The following PRMT9 variants were observed in gnomAD, a reference collection of about 807,000 sequenced individuals.
PRMT9 encodes protein arginine methyltransferase 9, also known as protein arginine N-methyltransferase 9.
In PRMT9, 59 loss-of-function variants were observed where a neutral mutation model predicts 83.2. That is an observed-to-expected ratio of 0.71 (90% confidence interval 0.57 to 0.88). PRMT9 has a LOEUF of 0.88. Ranked by LOEUF, PRMT9 falls within the 40% of genes least tolerant of loss-of-function variation. PRMT9 has a pLI of 0.00. For missense variants in PRMT9, 947 were observed against 1,021.9 expected (o/e 0.93, Z 1.00); for synonymous variants, 333 against 353.2 (o/e 0.94, Z 0.64).
At position 147,653,908 on chromosome 4, in the gene PRMT9, G is replaced by C. The variant is rs1461307666; in HGVS notation, c.1989C>G (p.Val663=). ...GCTGAATGAGCCCAGATGGCTCAAT[G>C]ACATCCAATATAATTATGCTCCATA... The part of the protein sequence containing the change: ...DKLWSIIILD[V]IEPSGLIQQE... Residue 663 remains valine, a synonymous_variant, in exon 9 of 12, where the codon GTC becomes GTG. Coordinates refer to ENST00000322396, the MANE Select transcript of PRMT9 (RefSeq NM_138364.4). The C allele has an allele frequency of 1.2e-6, 2 of 1,614,026 alleles. No homozygotes were observed. Among genetic ancestry groups the C allele is most frequent in the Admixed American group, 3.3e-5 (2 of 60,010 alleles).
chr4:147,641,778 C>T (rs1253654393), intron 10 of PRMT9, among the ~76,000 whole-genome samples: 1 of 152,200 alleles, frequency 6.6e-6, no homozygotes, highest in Non-Finnish European at 1.5e-5. Flanking sequence ...TCTCCTACCT[C>T]AGCCTCCCAA....
chr4:147,655,917 A>C (rs1734454144), intron 8 of PRMT9, among the ~76,000 whole-genome samples: 2 of 152,226 alleles, frequency 1.3e-5, no homozygotes, highest in Admixed American at 1.3e-4. Context: ...AAGTTACTAC[A>C]GGTATAAGAG....
intron 9 of PRMT9, among the ~76,000 whole-genome samples, chr4:147,647,255 A>T (rs1733790465): frequency 6.6e-6 from 1 of 152,152 alleles, no homozygotes; most frequent in Admixed American, 6.5e-5. Context: ...TCCTATAGAT[A>T]ACATCAGTAT....
chr4:147,646,119 C>T (rs2126577160), intron 9 of PRMT9, among the ~76,000 whole-genome samples: 1 of 152,324 alleles, frequency 6.6e-6, no homozygotes, highest in South Asian at 2.1e-4. Context: ...GCAATCTATG[C>T]CTTTACCAAA....
Position 147,654,411 on chromosome 4 carries a change from C to T in PRMT9, c.1486G>A (p.Glu496Lys), listed in dbSNP as rs995070350. The stretch of plus-strand genomic sequence containing the variant: ...GCGAGGGCACTACAAAGTTCAGCCT[C>T]ATTTCCTAACGATAACAAGTCTTTA... Reference protein sequence around the residue: ...QNKDLLSLGNEAELCSALANL... With the variant: ...QNKDLLSLGNKAELCSALANL... The change falls in exon 9 of 12, where the codon GAG (glutamate) becomes AAG (lysine). Residue 496 changes from glutamate (E) to lysine (K), a missense_variant. Glu to Lys is a moderately conservative substitution (Grantham distance 56). Transcript: ENST00000322396. The T allele has an allele frequency of 2.5e-6, 4 of 1,614,060 alleles. No individual in the cohort carries two copies. Among genetic ancestry groups the T allele is most frequent in the Non-Finnish European group, 3.4e-6 (4 of 1,180,034 alleles).
chr4:147,658,043 C>T, intron 7 of PRMT9, 68 bp from the exon 8 acceptor site: 1 of 1,092,232 alleles, frequency 9.2e-7, no homozygotes, highest in South Asian at 1.3e-5. Context: ...AGTATCTTAC[C>T]ATTTTCCATC....
chr4:147,647,131 T>A (rs963593891), intron 9 of PRMT9, among the ~76,000 whole-genome samples: 2 of 152,096 alleles, frequency 1.3e-5, no homozygotes, highest in African/African-American at 4.8e-5. Context: ...TGCTAAAATG[T>A]AGGCACAGTT....
At chr4:147,676,009 A>C (rs1377320275) in intron 2 of PRMT9, among the ~76,000 whole-genome samples, 1 of 152,214 alleles carries the variant, frequency 6.6e-6, no homozygotes, top group African/African-American at 2.4e-5. Context: ...AGGAGTATAG[A>C]ACAAGAACCA....
In PRMT9 at chr4:147,669,295, G is replaced by A. The variant is rs546074622; in HGVS notation, c.847-650C>T. Among the ~76,000 whole-genome samples, 240 of 152,022 alleles carry A rather than the reference G, an allele frequency of 1.6e-3. 3 individuals carry two copies. Among genetic ancestry groups the A allele is most frequent in the African/African-American group, 5.5e-3 (228 of 41,462 alleles). ...CGAGGCTGAGGTGGGAGGGCCACTT[G>A]AGCCCGGGAGTTTGAGGCTGCAGTA... is the stretch of plus-strand genomic sequence containing the variant. On this transcript the variant is annotated intron_variant, in intron 5 of 11. Coordinates refer to ENST00000322396, the MANE Select transcript of PRMT9 (RefSeq NM_138364.4).
Position 147,670,636 on chromosome 4 carries a change from C to T in PRMT9, c.846+5G>A. The stretch of plus-strand genomic sequence containing the variant: ...ATCAGTTGTAAGTATTTTCATACTG[C>T]TTACCTTTGGCTGTAAAAGTAAATG... On this transcript the variant is annotated splice_donor_5th_base_variant and intron_variant, in intron 5 of 11. Coordinates refer to ENST00000322396, the MANE Select transcript of PRMT9 (RefSeq NM_138364.4). The T allele has an allele frequency of 1.3e-6, 2 of 1,570,640 alleles. No homozygotes were observed. Among genetic ancestry groups the T allele is most frequent in the South Asian group, 1.1e-5 (1 of 90,264 alleles).
intron 10 of PRMT9, among the ~76,000 whole-genome samples, chr4:147,640,510 A>AT (rs1429964283): frequency 6.6e-6 from 1 of 152,132 alleles, no homozygotes; most frequent in Non-Finnish European, 1.5e-5. Context: ...ATGGCCTTAA[A>AT]TACCAGCTAC....
Position 147,642,769 on chromosome 4 carries a change from T to G in PRMT9, c.2199+18A>C, listed in dbSNP as rs1733488476. 2.5e-6 allele frequency: 4 copies of G among 1,608,638 alleles called. No individual in the cohort carries two copies. In the East Asian group the frequency reaches 8.9e-5, roughly 36 times the overall value. ...TGTTCAACAGCATCCTGGTTGAACT[T>G]CTCCTCTAGACACTTACCTGAAACT... On this transcript the variant is annotated intron_variant, in intron 10 of 11. Coordinates refer to ENST00000322396, the MANE Select transcript of PRMT9 (RefSeq NM_138364.4).
chr4:147,672,956 T>C lies in PRMT9; in HGVS notation c.743+3A>G. On this transcript the variant is annotated splice_donor_region_variant and intron_variant, in intron 4 of 11. Coordinates refer to ENST00000322396, the MANE Select transcript of PRMT9 (RefSeq NM_138364.4). Reference sequence around the variant, plus strand: ...ACACTAAAATTAGTTTACATGATAATACCTTTCGGGAATATGTTTTGGAAT... The same window carrying C: ...ACACTAAAATTAGTTTACATGATAACACCTTTCGGGAATATGTTTTGGAAT... The C allele has an allele frequency of 6.2e-7, 1 of 1,611,778 alleles. No homozygotes were observed. Among genetic ancestry groups the C allele is most frequent in the Non-Finnish European group, 8.5e-7 (1 of 1,177,946 alleles).
chr4:147,657,774 A>G lies in PRMT9; in HGVS notation c.1330+18T>C. ...AGATTAAAGCAAGAGGTTAAAAAAA[A>G]AAATGGACAAGACCTACCTGCAAGG... On this transcript the variant is annotated intron_variant, in intron 8 of 11. Transcript: ENST00000322396. The G allele has an allele frequency of 1.2e-6, 2 of 1,609,370 alleles. No homozygotes were observed. The highest frequency in any genetic ancestry group is 1.7e-6 in the Non-Finnish European group (2 of 1,176,656).
intron 4 of PRMT9, among the ~76,000 whole-genome samples, chr4:147,670,952 T>C (rs1383750887): frequency 6.6e-6 from 1 of 152,146 alleles, no homozygotes; most frequent in Non-Finnish European, 1.5e-5. Context: ...CACTGGCTCC[T>C]TCTCCTTGGT....
In PRMT9 at chr4:147,654,127, G is replaced by C. The variant is rs1734314190; in HGVS notation, c.1770C>G (p.Gly590=). Residue 590 remains glycine (G), a synonymous_variant, in exon 9 of 12, where the codon GGC becomes GGG. Coordinates refer to ENST00000322396, the MANE Select transcript of PRMT9 (RefSeq NM_138364.4). ...CAGCAATAACAGGCAGAACAGAGAAGCCTTCGGACACATCTAACACGTAGA... is the reference window on the plus strand; with the variant it reads ...CAGCAATAACAGGCAGAACAGAGAACCCTTCGGACACATCTAACACGTAGA... ...EPFYVLDVSE[G]FSVLPVIAGT... 1 of 1,614,236 alleles carries C rather than the reference G, an allele frequency of 6.2e-7. No individual in the cohort carries two copies. Among genetic ancestry groups the C allele is most frequent in the Non-Finnish European group, 8.5e-7 (1 of 1,180,044 alleles).
At chr4:147,647,804 T>G (rs561598192) in intron 9 of PRMT9, among the ~76,000 whole-genome samples, 1 of 152,132 alleles carries the variant, frequency 6.6e-6, no homozygotes, top group Non-Finnish European at 1.5e-5. Context: ...ATTACAGGCA[T>G]GAACCCACCT....
intron 4 of PRMT9, chr4:147,671,877 C>T (rs960186313): frequency 1.8e-5 from 8 of 456,084 alleles, no homozygotes; most frequent in African/African-American, 8.0e-5. Flanking sequence ...GCCTTAACCC[C>T]GAAACTGACT....
intron 7 of PRMT9, among the ~76,000 whole-genome samples, chr4:147,659,743 A>G (rs150580532): frequency 0.046 from 7,023 of 151,798 alleles, 528 homozygotes; most frequent in African/African-American, 0.16. Flanking sequence ...ACACCCAGCT[A>G]ATTTTTTGTA....
Sources: allele counts gnomAD v4.1 joint callset (sites outside exome capture counted in the v4.1 genomes callset), GRCh38; gene constraint gnomAD v4.1.1; transcripts MANE v1.5; gene names NCBI Gene and HGNC (gene_info 2026-07-23, HGNC 2026-07-21).